SEMA6D: variants seen among roughly 807,000 people sequenced by gnomAD.
SEMA6D encodes the protein semaphorin-6D.
SEMA6D carries 35 observed loss-of-function variants against 106.6 expected under a neutral mutation model. The observed-to-expected ratio is 0.33, with a 90% CI of 0.25 to 0.44. The LOEUF (loss-of-function observed/expected upper bound fraction) is 0.44. SEMA6D is among the 20% of genes least tolerant of loss of function. SEMA6D has a pLI of 1.00. For synonymous variants in SEMA6D, 499 were observed against 487.7 expected (o/e 1.02, Z -0.31); for missense variants, 1,185 against 1,345.9 (o/e 0.88, Z 1.87).
intron 1 of SEMA6D, among the ~76,000 whole-genome samples, chr15:47,728,894 C>G (rs1160736385): frequency 6.6e-6 from 1 of 152,220 alleles, no homozygotes; most frequent in East Asian, 1.9e-4. Flanking sequence ...TGGTTAGCTT[C>G]GGACCACTCA....
At chr15:47,428,928 G>A (rs1370821354) in intron 2 of SEMA6D, among the ~76,000 whole-genome samples, 1 of 151,200 alleles carries the variant, frequency 6.6e-6, no homozygotes, top group Non-Finnish European at 1.5e-5. Flanking sequence ...GAAGGGAAGA[G>A]GAGGAAGAGA....
At chr15:47,331,487 G>A (rs886772141) in intron 1 of SEMA6D, among the ~76,000 whole-genome samples, 1 of 152,094 alleles carries the variant, frequency 6.6e-6, no homozygotes, top group East Asian at 1.9e-4. Flanking sequence ...ATAGGGAAAT[G>A]TTAACAGTAT....
At chr15:47,590,807 G>C (rs2076424766) in intron 3 of SEMA6D, among the ~76,000 whole-genome samples, 1 of 152,176 alleles carries the variant, frequency 6.6e-6, no homozygotes, top group Admixed American at 6.5e-5. Context: ...CCAGAGTTCA[G>C]AGGGAACATG....
chr15:47,663,920 C>A (rs965156315), intron 4 of SEMA6D, among the ~76,000 whole-genome samples: 1 of 152,118 alleles, frequency 6.6e-6, no homozygotes, highest in Non-Finnish European at 1.5e-5. Context: ...CTACTAGGAG[C>A]GCTTGTGGGA....
intron 1 of SEMA6D, among the ~76,000 whole-genome samples, chr15:47,332,821 C>G (rs1357362194): frequency 2.6e-5 from 4 of 152,118 alleles, no homozygotes; most frequent in Non-Finnish European, 5.9e-5. Context: ...ATGGGAGGGT[C>G]CTGAATCACA....
At chr15:47,516,216 A>C (rs2044382502) in intron 3 of SEMA6D, among the ~76,000 whole-genome samples, 1 of 152,152 alleles carries the variant, frequency 6.6e-6, no homozygotes, top group Non-Finnish European at 1.5e-5. Context: ...TTATTTTGGC[A>C]CCTAGCTACC....
At chr15:47,548,149 C>A (rs886496947) in intron 3 of SEMA6D, among the ~76,000 whole-genome samples, 1 of 152,102 alleles carries the variant, frequency 6.6e-6, no homozygotes, top group East Asian at 1.9e-4. Flanking sequence ...AAGGGCTTTT[C>A]AAACTTTCCT....
chr15:47,321,003 A>G (rs1304763039), intron 1 of SEMA6D, among the ~76,000 whole-genome samples: 10 of 152,128 alleles, frequency 6.6e-5, no homozygotes, highest in African/African-American at 1.4e-4. Context: ...TGACCTCACT[A>G]TGTAGCTTGA....
chr15:47,313,386 C>T (rs1380131850), intron 1 of SEMA6D, among the ~76,000 whole-genome samples: 1 of 152,178 alleles, frequency 6.6e-6, no homozygotes, highest in Non-Finnish European at 1.5e-5. Context: ...AACCTTTTCA[C>T]ATTGGCTTCT....
At chr15:47,593,287 C>A (rs1023878253) in intron 3 of SEMA6D, among the ~76,000 whole-genome samples, 10 of 151,726 alleles carry the variant, frequency 6.6e-5, no homozygotes, top group African/African-American at 2.4e-4. Context: ...CGCCTGTAGT[C>A]CCAGCTGTTC....
intron 1 of SEMA6D, among the ~76,000 whole-genome samples, chr15:47,266,838 T>C (rs2034343902): frequency 2.0e-5 from 3 of 152,146 alleles, no homozygotes; most frequent in South Asian, 4.1e-4. Flanking sequence ...GAGAAGATTC[T>C]TGTTCAAATA....
In SEMA6D at chr15:47,632,420, ATT is replaced by A. The variant is rs1395381548; in HGVS notation, c.-55+31525_-55+31526del. Among the ~76,000 whole-genome samples, 1,341 of 151,912 alleles carry A rather than the reference ATT, an allele frequency of 8.8e-3. 13 individuals carry two copies. Among genetic ancestry groups the A allele is most frequent in the South Asian group, 0.039 (186 of 4,804 alleles). Reference sequence around the variant, plus strand: ...GGGAGTGTTGAAGTCTCCAGCTATAATTGTGCATTTGTTTATTTCTCCTTTCA... The same window carrying A: ...GGGAGTGTTGAAGTCTCCAGCTATAAGTGCATTTGTTTATTTCTCCTTTCA... On this transcript the variant is annotated intron_variant, in intron 4 of 19. Transcript: ENST00000558014.
At position 47,466,796 on chromosome 15, in the gene SEMA6D, G is replaced by A. The variant is rs137928049; in HGVS notation, c.-158-3678G>A. Among the ~76,000 whole-genome samples the A allele has an allele frequency of 4.5e-3, 681 of 150,110 alleles. 3 individuals carry two copies. Among genetic ancestry groups the A allele is most frequent in the African/African-American group, 0.016 (650 of 40,816 alleles). ...CTCACCAGCTTAGAGGAGTGATCTC[G>A]GCTCACTGCAACCTCCACCTCCCAG... On this transcript the variant is annotated intron_variant, in intron 2 of 19. Coordinates refer to the SEMA6D transcript ENST00000558014.
chr15:47,298,186 C>G (rs530774140), intron 1 of SEMA6D, among the ~76,000 whole-genome samples: 16 of 152,140 alleles, frequency 1.1e-4, no homozygotes, highest in Admixed American at 9.8e-4. Context: ...CAGAAGCCCT[C>G]CTGGGTTAGG....
chr15:47,518,932 A>G (rs989970328), intron 3 of SEMA6D, among the ~76,000 whole-genome samples: 10 of 152,188 alleles, frequency 6.6e-5, no homozygotes, highest in African/African-American at 9.6e-5. Flanking sequence ...ACTCTATAAT[A>G]TAATAATAAA....
intron 1 of SEMA6D, among the ~76,000 whole-genome samples, chr15:47,358,242 G>C (rs1402210544): frequency 6.6e-6 from 1 of 152,198 alleles, no homozygotes; most frequent in Non-Finnish European, 1.5e-5. Context: ...TGGATGGATA[G>C]TGGCTGCTTT....
chr15:47,505,156 G>C (rs758409350), intron 3 of SEMA6D, among the ~76,000 whole-genome samples: 1 of 152,088 alleles, frequency 6.6e-6, no homozygotes, highest in Non-Finnish European at 1.5e-5. Flanking sequence ...ATGAAGGGAA[G>C]AGAAAGGACC....
chr15:47,369,909 C>T (rs1218041649), intron 1 of SEMA6D, among the ~76,000 whole-genome samples: 4 of 152,164 alleles, frequency 2.6e-5, no homozygotes, highest in Non-Finnish European at 4.4e-5. Flanking sequence ...ATACCAGCAA[C>T]TGTTTTAAGC....
intron 1 of SEMA6D, among the ~76,000 whole-genome samples, chr15:47,361,738 T>A (rs562484922): frequency 1.5e-4 from 23 of 152,322 alleles, no homozygotes; most frequent in Admixed American, 5.2e-4. Flanking sequence ...GGGGGCCCTG[T>A]GCCTCTATTG....
Sources: allele counts gnomAD v4.1 joint callset (sites outside exome capture counted in the v4.1 genomes callset), GRCh38; gene constraint gnomAD v4.1.1; transcripts MANE v1.5; gene names NCBI Gene and HGNC (gene_info 2026-07-23, HGNC 2026-07-21).